Variants in COL6A3 observed in about 807,000 individuals in gnomAD.
COL6A3 encodes the protein collagen alpha-3(VI) chain.
In COL6A3, 137 loss-of-function variants were observed where a neutral mutation model predicts 274.1. The ratio of observed to expected loss-of-function variants is 0.50; its 90% confidence interval spans 0.44 to 0.58. The LOEUF is 0.58. Among genes scored for constraint, COL6A3 ranks in the 20% least tolerant of loss-of-function variants. COL6A3 has a pLI of 0.00. For synonymous variants in COL6A3, 1,650 were observed against 1,650.6 expected, an observed-to-expected ratio of 1.00 and a Z score of 0.01; for missense variants, 3,950 against 4,124.9, an observed-to-expected ratio of 0.96 and a Z score of 1.16.
intron 1 of COL6A3, 83 bp from the exon 2 acceptor site, chr2:237,396,930 G>T: frequency 1.1e-6 from 1 of 931,102 alleles, no homozygotes; most frequent in Non-Finnish European, 1.7e-6. Flanking sequence ...TGCTTTCTAC[G>T]TCCTTTTTAG....
rs971627197 is a variant in COL6A3 at position 237,371,387 on chromosome 2, A to C, written c.4285+345T>G. On this transcript the variant is annotated intron_variant, in intron 9 of 43. Transcript: ENST00000295550. The surrounding 1 kb of genome is among the most constrained non-coding windows in gnomAD (Gnocchi z 4.3). ...CGCAGCAGGTGGATCACTTGAGCTCAGGGGCTTGAGACCAGCCTGGCCAAC... is the reference window on the plus strand; with the variant it reads ...CGCAGCAGGTGGATCACTTGAGCTCCGGGGCTTGAGACCAGCCTGGCCAAC... 1.3e-5 allele frequency among the ~76,000 whole-genome samples: 2 copies of C among 152,264 alleles called. No individual in the cohort carries two copies. Among genetic ancestry groups the C allele is most frequent in the South Asian group, 2.1e-4 (1 of 4,820 alleles).
chr2:237,332,802 T>G (rs1362339323), intron 42 of COL6A3, among the ~76,000 whole-genome samples: 2 of 152,212 alleles, frequency 1.3e-5, no homozygotes, highest in African/African-American at 4.8e-5. Context: ...CAAGTCCACA[T>G]TCTGCTGAAT....
At chr2:237,363,160 A>G in intron 14 of COL6A3, 93 bp downstream of exon 14, 1 of 1,091,536 alleles carries the variant, frequency 9.2e-7, no homozygotes, top group Non-Finnish European at 1.4e-6. Flanking sequence ...CCCCACCTCC[A>G]TTCACCTGCT....
rs1320399927 is a variant in COL6A3 at position 237,378,679 on chromosome 2, T to A, written c.2454A>T (p.Thr818=). Residue 818 remains threonine, a synonymous_variant, in exon 6 of 44, where the codon ACA becomes ACT. Transcript: ENST00000295550. ...LPQQLIQPLT[T]YVSGGVEEVP... ...CTTCCTCCACACCTCCACTAACATA[T>A]GTGGTTAGGGGCTGAATCAGCTGCT... 3 of 1,613,426 alleles carry A rather than the reference T, an allele frequency of 1.9e-6. No homozygotes were observed. The highest frequency in any genetic ancestry group is 2.5e-6 in the Non-Finnish European group (3 of 1,180,012).
At chr2:237,381,959 C>G (rs1048816494) in intron 4 of COL6A3, among the ~76,000 whole-genome samples, 1 of 152,238 alleles carries the variant, frequency 6.6e-6, no homozygotes, top group African/African-American at 2.4e-5. Flanking sequence ...AGAGCCTGCA[C>G]ATCCCTGTTC....
chr2:237,358,658 C>A, intron 20 of COL6A3, 75 bp from the exon 21 acceptor site: 1 of 1,280,412 alleles, frequency 7.8e-7, no homozygotes, highest in South Asian at 1.2e-5. Flanking sequence ...TCACATTCTT[C>A]AACTCATAAA....
At position 237,394,737 on chromosome 2, in the gene COL6A3, C is replaced by T; in HGVS notation, c.559G>A (p.Glu187Lys). ...VEDADEGALK[E>K]IASEPLNMHM... ...ATATTGAGCGGTTCACTTGCTATTT[C>T]TTTTAACGCTCCTTCATCTGCATCC... is the stretch of plus-strand genomic sequence containing the variant. The change falls in exon 3 of 44, where the codon GAA (glutamate) becomes AAA (lysine). Residue 187 changes from glutamate (E) to lysine (K), a missense_variant. Glu to Lys is a moderately conservative substitution (Grantham distance 56, BLOSUM62 1). This residue lies in a region of COL6A3 where 1,934 missense variants were observed against 1,984.3 expected (regional missense o/e 0.97). Coordinates refer to ENST00000295550, the MANE Select transcript of COL6A3 (RefSeq NM_004369.4). 6.2e-7 allele frequency: 1 copy of T among 1,614,214 alleles called. No individual in the cohort carries two copies. The highest frequency in any genetic ancestry group is 8.5e-7 in the Non-Finnish European group (1 of 1,180,040).
At chr2:237,353,202 C>T (rs1206909438) in intron 25 of COL6A3, 139 bp downstream of exon 25, 1 of 817,066 alleles carries the variant, frequency 1.2e-6, no homozygotes, top group Non-Finnish European at 2.0e-6. Context: ...GATGATTGCA[C>T]AGCATTGTGG....
chr2:237,332,115 ATATG>A (rs1700289308), intron 42 of COL6A3, among the ~76,000 whole-genome samples: 1 of 103,560 alleles, frequency 9.7e-6, no homozygotes, highest in African/African-American at 3.4e-5. Flanking sequence ...ATATATATAT[ATATG>A]AAAAGAAAAA....
In COL6A3 at chr2:237,359,229, G is replaced by A; in HGVS notation, c.6331C>T (p.Leu2111=). Residue 2111 remains leucine, a synonymous_variant, in exon 19 of 44, where the codon CTG becomes TTG. Coordinates refer to ENST00000295550, the MANE Select transcript of COL6A3 (RefSeq NM_004369.4). ...ACATCTTCACCATCCAGACCATCCA[G>A]TCCAATTTCTCCTACTTCGCCCTAA... ...GEKGEVGEIG[L]DGLDGEDGDK... is the part of the protein sequence containing the mutation. The A allele has an allele frequency of 6.2e-7, 1 of 1,614,222 alleles. No individual in the cohort carries two copies. Among genetic ancestry groups the A allele is most frequent in the East Asian group, 2.2e-5 (1 of 44,884 alleles).
At chr2:237,343,830 C>A in intron 36 of COL6A3, 1 of 208,458 alleles carries the variant, frequency 4.8e-6, no homozygotes, top group Non-Finnish European at 9.8e-6. Flanking sequence ...GTTTCAGAGT[C>A]TAATGGACTA....
In COL6A3 at chr2:237,343,514, C is replaced by T. The variant is rs1483123276; in HGVS notation, c.7668+836G>A. On this transcript the variant is annotated intron_variant, in intron 36 of 43. Coordinates refer to ENST00000295550, the MANE Select transcript of COL6A3 (RefSeq NM_004369.4). Reference sequence around the variant, plus strand: ...TGGGTGACAGAGCAAGACTCTGTCTCAAAAAAAAAAAAAAAAAAAAAAAAA... The same window carrying T: ...TGGGTGACAGAGCAAGACTCTGTCTTAAAAAAAAAAAAAAAAAAAAAAAAA... 3 of 42,144 alleles carry T rather than the reference C, an allele frequency of 7.1e-5. No individual in the cohort carries two copies. The East Asian group carries it at 2.1e-3, about 30-fold the overall frequency. The allele number at this position is 42,144 out of a possible 1,614,324, so 2.6% of individuals were successfully genotyped here.
intron 1 of COL6A3, among the ~76,000 whole-genome samples, chr2:237,403,888 G>A (rs1456382317): frequency 6.6e-6 from 1 of 151,372 alleles, no homozygotes; most frequent in Non-Finnish European, 1.5e-5. Context: ...TGCAACCCTG[G>A]GAACCTTCCA....
rs567307746 is a variant in COL6A3, at chr2:237,339,902, C to T, written c.8464+550G>A. Among the ~76,000 whole-genome samples, 481 of 152,190 alleles carry T rather than the reference C, an allele frequency of 3.2e-3. 2 individuals carry two copies. Among genetic ancestry groups the T allele is most frequent in the Non-Finnish European group, 4.5e-3 (309 of 68,018 alleles). ...GCCTTGGGAGCAGCAGCTTCCACGG[C>T]GAGCAGAAGCCATTGGAATTGAACT... is the stretch of plus-strand genomic sequence containing the variant. On this transcript the variant is annotated intron_variant, in intron 38 of 43. Coordinates refer to ENST00000295550, the MANE Select transcript of COL6A3 (RefSeq NM_004369.4).
At chr2:237,406,603 A>G (rs1414901795) in intron 1 of COL6A3, among the ~76,000 whole-genome samples, 4 of 151,340 alleles carry the variant, frequency 2.6e-5, no homozygotes, top group Admixed American at 6.6e-5. Flanking sequence ...CTAGACTGCA[A>G]GAAGGAGCGC....
intron 24 of COL6A3, among the ~76,000 whole-genome samples, 153 bp from the exon 25 acceptor site, chr2:237,353,556 C>T (rs906624603): frequency 2.0e-5 from 3 of 152,202 alleles, no homozygotes; most frequent in African/African-American, 4.8e-5. Context: ...GCGGTAACCC[C>T]AGGTGAGACA....
Position 237,414,105 on chromosome 2 carries a change from C to G in COL6A3, c.-183G>C, listed in dbSNP as rs1004640231. On this transcript the variant is annotated 5_prime_UTR_variant, in exon 1 of 44. Transcript: ENST00000295550. ...AGACTCAGAGCTGCGGAGGAAAACTCTTGCAGTCCTTGCAGGAGGCTGGAG... is the reference window on the plus strand; with the variant it reads ...AGACTCAGAGCTGCGGAGGAAAACTGTTGCAGTCCTTGCAGGAGGCTGGAG... 2.0e-5 allele frequency: 3 copies of G among 152,208 alleles called. No individual in the cohort carries two copies. Among genetic ancestry groups the G allele is most frequent in the African/African-American group, 7.2e-5 (3 of 41,464 alleles). The allele number at this position is 152,208 out of a possible 1,614,324, so 9.4% of individuals were successfully genotyped here.
chr2:237,387,344 G>T (rs527543952), intron 4 of COL6A3, among the ~76,000 whole-genome samples: 18 of 152,254 alleles, frequency 1.2e-4, no homozygotes, highest in African/African-American at 3.9e-4. Context: ...TTAAAAGCAC[G>T]CTTTCTCAGC....
chr2:237,391,868 G>C (rs1168910961), intron 3 of COL6A3, among the ~76,000 whole-genome samples: 1 of 152,146 alleles, frequency 6.6e-6, no homozygotes, highest in Non-Finnish European at 1.5e-5. Context: ...GAAATGTGAT[G>C]GATCAGGGAA....
Sources: allele counts gnomAD v4.1 joint callset (sites outside exome capture counted in the v4.1 genomes callset), GRCh38; gene constraint gnomAD v4.1.1; regional missense constraint gnomAD v4.1.1; non-coding constraint Gnocchi (gnomAD v3.1); transcripts MANE v1.5; gene names NCBI Gene and HGNC (gene_info 2026-07-23, HGNC 2026-07-21).